Variants in FGF13 observed in about 807,000 individuals in gnomAD.
The protein encoded by FGF13 is fibroblast growth factor 13.
A neutral mutation model predicts 19.5 loss-of-function variants in FGF13; 2 were observed. That is an observed-to-expected ratio of 0.10 (90% CI 0.04 to 0.32). The LOEUF (loss-of-function observed/expected upper bound fraction) is 0.32. Among genes scored for constraint, FGF13 ranks in the 10% least tolerant of loss-of-function variants. The pLI is 1.00. For synonymous variants in FGF13, 72 were observed against 76.9 expected, an observed-to-expected ratio of 0.94 and a Z score of 0.33; for missense variants, 113 against 192.7, an observed-to-expected ratio of 0.59 and a Z score of 2.45.
chrX:139,072,810 T>C (rs1285260607), intron 1 of FGF13, among the ~76,000 whole-genome samples: 1 of 111,966 alleles, frequency 8.9e-6, no homozygotes, highest in Non-Finnish European at 1.9e-5. Flanking sequence ...ATATTGACTT[T>C]CAAGATTTTC....
chrX:139,202,420 A>G (rs7066638), intron 1 of FGF13, among the ~76,000 whole-genome samples: 9,062 of 111,105 alleles, frequency 0.082, 773 homozygotes, highest in African/African-American at 0.25. Context: ...CCTGTTTGAG[A>G]CTCAACAATT....
chrX:138,755,068 T>C (rs1177731589), intron 3 of FGF13, among the ~76,000 whole-genome samples: 1 of 111,741 alleles, frequency 8.9e-6, no homozygotes, highest in African/African-American at 3.3e-5. Flanking sequence ...GAGTGAATCA[T>C]CAAACCTGGG....
intron 3 of FGF13, among the ~76,000 whole-genome samples, chrX:138,657,753 A>G (rs1171904345): frequency 1.8e-5 from 2 of 112,093 alleles, no homozygotes; most frequent in African/African-American, 6.5e-5. Context: ...CTGGTAATCC[A>G]AAACCAAAAT....
chrX:138,960,983 A>C (rs912391156), intron 1 of FGF13, among the ~76,000 whole-genome samples: 1 of 111,193 alleles, frequency 9.0e-6, no homozygotes, highest in Non-Finnish European at 1.9e-5. Context: ...GAAGTTTGTT[A>C]TTACCGATCT....
At chrX:138,877,428 A>G (rs1018175067) in intron 1 of FGF13, among the ~76,000 whole-genome samples, 2 of 111,880 alleles carry the variant, frequency 1.8e-5, no homozygotes, top group Non-Finnish European at 3.8e-5. Context: ...GGAATTTTTT[A>G]TTGTGGTAAA....
rs1193709051 is a variant in FGF13, at chrX:138,780,816, G to T, written c.218-71888C>A. ...AACTCACCTCTGCACCAAGCGGACCGAATAGACATCTACAGAACTCTCCAC... is the reference window on the plus strand; with the variant it reads ...AACTCACCTCTGCACCAAGCGGACCTAATAGACATCTACAGAACTCTCCAC... On this transcript the variant is annotated intron_variant, in intron 3 of 6. Coordinates refer to the FGF13 transcript ENST00000436198. 6.3e-5 allele frequency among the ~76,000 whole-genome samples: 7 copies of T among 110,821 alleles called. No individual in the cohort carries two copies. In the East Asian group the frequency reaches 1.4e-3, roughly 23 times the overall value.
intron 1 of FGF13, among the ~76,000 whole-genome samples, chrX:139,175,431 A>G (rs750055901): frequency 6.3e-4 from 70 of 111,953 alleles, no homozygotes; most frequent in African/African-American, 2.3e-3. Context: ...AGAACTTCCA[A>G]TACAATGTTG....
chrX:138,961,723 A>G lies in FGF13; in HGVS notation c.-112-97073T>C, dbSNP rs1364950205. 2.7e-5 allele frequency among the ~76,000 whole-genome samples: 3 copies of G among 112,003 alleles called. No homozygotes were observed. The Admixed American group carries it at 2.8e-4, about 11-fold the overall frequency. Reference sequence around the variant, plus strand: ...AAACATCTGATCCTTGAAAAACCTGACAAAAACAAGAAATGGGGAAATGAT... The same window carrying G: ...AAACATCTGATCCTTGAAAAACCTGGCAAAAACAAGAAATGGGGAAATGAT... On this transcript the variant is annotated intron_variant, in intron 1 of 2. Transcript: ENST00000421460.
intron 1 of FGF13, among the ~76,000 whole-genome samples, chrX:138,954,962 C>A (rs1318573944): frequency 8.9e-6 from 1 of 112,055 alleles, no homozygotes; most frequent in Non-Finnish European, 1.9e-5. Context: ...AGACTGAAAG[C>A]AGGGAGGAAA....
intron 3 of FGF13, among the ~76,000 whole-genome samples, chrX:138,849,304 A>C (rs756601749): frequency 1.6e-4 from 18 of 112,093 alleles, no homozygotes; most frequent in African/African-American, 5.5e-4. Context: ...CTCTCTAGGA[A>C]TGGCGTGTAA....
At chrX:139,147,198 A>T in intron 1 of FGF13, among the ~76,000 whole-genome samples, 1 of 109,076 alleles carries the variant, frequency 9.2e-6, no homozygotes, top group South Asian at 4.0e-4. Context: ...TGGAAATAAA[A>T]AATTTAAAAA....
At chrX:138,651,065 G>A (rs1247559903) in intron 3 of FGF13, among the ~76,000 whole-genome samples, 1 of 111,966 alleles carries the variant, frequency 8.9e-6, no homozygotes, top group African/African-American at 3.2e-5. Flanking sequence ...GGAAGGAACA[G>A]GGGAACCATA....
intron 3 of FGF13, among the ~76,000 whole-genome samples, chrX:138,822,043 C>A (rs190244457): frequency 9.0e-6 from 1 of 111,406 alleles, no homozygotes; most frequent in African/African-American, 3.3e-5. Context: ...AGATCAACCT[C>A]AGGTTTAGAA....
At chrX:139,107,011 A>AT (rs201939765) in intron 1 of FGF13, among the ~76,000 whole-genome samples, 5 of 92,054 alleles carry the variant, frequency 5.4e-5, no homozygotes, top group Admixed American at 2.5e-4. Flanking sequence ...AAGCTATGCT[A>AT]TTTTTTTTTC....
intron 1 of FGF13, among the ~76,000 whole-genome samples, chrX:138,985,896 C>T (rs2091992814): frequency 9.0e-6 from 1 of 111,485 alleles, no homozygotes; most frequent in Non-Finnish European, 1.9e-5. Context: ...CTACAAGATG[C>T]CTTGAAAGGT....
chrX:138,835,941 G>A (rs1408623498), intron 3 of FGF13, among the ~76,000 whole-genome samples: 3 of 110,234 alleles, frequency 2.7e-5, no homozygotes, highest in Non-Finnish European at 3.8e-5. Context: ...GAAATTCTAG[G>A]TTGGAATTTG....
intron 1 of FGF13, among the ~76,000 whole-genome samples, chrX:138,981,560 C>G (rs190390833): frequency 9.0e-6 from 1 of 111,101 alleles, no homozygotes; most frequent in Non-Finnish European, 1.9e-5. Context: ...TGTACATCAT[C>G]ATTCACCCAC....
chrX:138,769,556 TA>T (rs1178478817), intron 3 of FGF13, among the ~76,000 whole-genome samples: 3 of 112,043 alleles, frequency 2.7e-5, no homozygotes, highest in African/African-American at 9.7e-5. Context: ...ATCAGTAAGT[TA>T]AAATGTGGAA....
intron 1 of FGF13, among the ~76,000 whole-genome samples, chrX:139,175,131 C>T (rs1431317182): frequency 9.0e-6 from 1 of 111,313 alleles, no homozygotes; most frequent in Non-Finnish European, 1.9e-5. Flanking sequence ...AAGTTGGATT[C>T]CTAGGTATTT....
Sources: allele counts gnomAD v4.1 joint callset (sites outside exome capture counted in the v4.1 genomes callset), GRCh38; gene constraint gnomAD v4.1.1; transcripts MANE v1.5; gene names NCBI Gene and HGNC (gene_info 2026-07-23, HGNC 2026-07-21).